Variants in EIF4ENIF1 observed in about 807,000 individuals in gnomAD.
EIF4ENIF1 encodes eukaryotic translation initiation factor 4E nuclear import factor 1, also known as eukaryotic translation initiation factor 4E transporter.
EIF4ENIF1 carries 23 observed loss-of-function variants against 110.5 expected under a neutral mutation model. The ratio of observed to expected loss-of-function variants is 0.21; its 90% confidence interval spans 0.15 to 0.29. EIF4ENIF1 has a LOEUF of 0.29. Among genes scored for constraint, EIF4ENIF1 ranks in the 10% least tolerant of loss-of-function variants. EIF4ENIF1 has a pLI of 1.00. For synonymous variants in EIF4ENIF1, 440 were observed against 437.0 expected (o/e 1.01, Z -0.09); for missense variants, 1,031 against 1,221.1 (o/e 0.84, Z 2.32).
intron 18 of EIF4ENIF1, 127 bp from the exon 19 acceptor site, chr22:31,440,248 TCC>T: frequency 3.0e-6 from 4 of 1,348,716 alleles, no homozygotes; most frequent in Non-Finnish European, 4.1e-6. Context: ...CTTTAGAAAC[TCC>T]TTTGCAAAAT....
chr22:31,439,821 C>G lies in EIF4ENIF1; in HGVS notation c.*59G>C. 1 of 1,586,398 alleles carries G rather than the reference C, an allele frequency of 6.3e-7. No individual in the cohort carries two copies. The highest frequency in any genetic ancestry group is 1.1e-5 in the South Asian group (1 of 88,114). ...GCCCATAAACCAACCCGAGATGAAG[C>G]AGGGTCCTGCCCAGTGTGCCACCAC... On this transcript the variant is annotated 3_prime_UTR_variant, in exon 19 of 19. Coordinates refer to ENST00000330125, the MANE Select transcript of EIF4ENIF1 (RefSeq NM_019843.4).
intron 4 of EIF4ENIF1, among the ~76,000 whole-genome samples, chr22:31,466,290 A>T (rs112058175): frequency 0.057 from 8,641 of 152,168 alleles, 362 homozygotes; most frequent in Non-Finnish European, 0.088. Context: ...GCGCACGCCT[A>T]TAATCCCAGC....
chr22:31,480,564 C>A (rs1444976638), intron 2 of EIF4ENIF1, among the ~76,000 whole-genome samples: 1 of 152,032 alleles, frequency 6.6e-6, no homozygotes, highest in Non-Finnish European at 1.5e-5. Flanking sequence ...TTGAGACCAG[C>A]CTAACATGGA....
At position 31,441,635 on chromosome 22, in the gene EIF4ENIF1, C is replaced by T. The variant is rs1026079194; in HGVS notation, c.2551+139G>A. Reference sequence around the variant, plus strand: ...TAGGGGATTGACTGGATTGGGCCCACTGCCTGCCAGTTAGATGGGAGAATC... The same window carrying T: ...TAGGGGATTGACTGGATTGGGCCCATTGCCTGCCAGTTAGATGGGAGAATC... On this transcript the variant is annotated intron_variant, in intron 17 of 18. Coordinates refer to ENST00000330125, the MANE Select transcript of EIF4ENIF1 (RefSeq NM_019843.4). 1.0e-5 allele frequency: 7 copies of T among 703,370 alleles called. No homozygotes were observed. The Admixed American group carries it at 1.8e-4, about 18-fold the overall frequency. 43.6% of individuals were successfully genotyped at this position (703,370 alleles called of 1,614,324 possible).
intron 7 of EIF4ENIF1, among the ~76,000 whole-genome samples, chr22:31,457,449 T>C (rs2050865441): frequency 6.6e-6 from 1 of 152,200 alleles, no homozygotes; most frequent in Non-Finnish European, 1.5e-5. Context: ...AGAGCAAACA[T>C]CTATCCAAAA....
At chr22:31,466,200 G>C (rs568537778) in intron 4 of EIF4ENIF1, among the ~76,000 whole-genome samples, 1 of 152,268 alleles carries the variant, frequency 6.6e-6, no homozygotes, top group East Asian at 1.9e-4. Flanking sequence ...ATCACTTGAG[G>C]TCAGGAGTTT....
In EIF4ENIF1 at chr22:31,439,645, A is replaced by C; in HGVS notation, c.*235T>G. The stretch of plus-strand genomic sequence containing the variant: ...CATTCACATATCTTACAAAAAAGAA[A>C]GACCATTTCCAGGATTGACAACATT... On this transcript the variant is annotated 3_prime_UTR_variant, in exon 19 of 19. Coordinates refer to ENST00000330125, the MANE Select transcript of EIF4ENIF1 (RefSeq NM_019843.4). 3.5e-6 allele frequency: 2 copies of C among 575,902 alleles called. No individual in the cohort carries two copies. Among genetic ancestry groups the C allele is most frequent in the Non-Finnish European group, 5.9e-6 (2 of 341,504 alleles). 35.7% of individuals were successfully genotyped at this position (575,902 alleles called of 1,614,324 possible). A position where few individuals can be genotyped will look rare whatever the true frequency, so the allele number is the denominator to read the frequency against.
chr22:31,437,013 G>T (rs904071207), downstream of EIF4ENIF1: 26 of 152,196 alleles, frequency 1.7e-4, no homozygotes, highest in Admixed American at 1.7e-3. Flanking sequence ...AAAGGCCAAT[G>T]GACCTCCCAC....
In EIF4ENIF1 at chr22:31,471,198, C is replaced by CA. The variant is rs371516664; in HGVS notation, c.170+645dup. Among the ~76,000 whole-genome samples the CA allele has an allele frequency of 6.6e-3, 979 of 147,908 alleles. 11 individuals are homozygous for CA. The highest frequency in any genetic ancestry group is 0.021 in the African/African-American group (852 of 40,272). On this transcript the variant is annotated intron_variant, in intron 3 of 18. Transcript: ENST00000330125. ...GGCTGAATAGTTTTTTGTGGGAATG[C>CA]AAAAAAAAAGAACCAAGAGCGCCCC... is the stretch of plus-strand genomic sequence containing the variant.
rs149013590 is a variant in EIF4ENIF1 at position 31,439,922 on chromosome 22, G to T, written c.2916C>A (p.Pro972=). ...DVLQQPLPSM[P]AKVISVDELE... is the part of the protein sequence containing the mutation. Reference sequence around the variant, plus strand: ...ATTCATCTACACTGATAACTTTGGCGGGCATGGAGGGCAGGGGTTGCTGTA... The same window carrying T: ...ATTCATCTACACTGATAACTTTGGCTGGCATGGAGGGCAGGGGTTGCTGTA... Residue 972 remains proline, a synonymous_variant, in exon 19 of 19, where the codon CCC becomes CCA. Transcript: ENST00000330125. 2.5e-6 allele frequency: 4 copies of T among 1,614,050 alleles called. No individual in the cohort carries two copies. The highest frequency in any genetic ancestry group is 3.4e-6 in the Non-Finnish European group (4 of 1,180,018).
chr22:31,452,990 C>G (rs1185333754), intron 10 of EIF4ENIF1, among the ~76,000 whole-genome samples: 1 of 152,114 alleles, frequency 6.6e-6, no homozygotes, highest in Admixed American at 6.6e-5. Context: ...GCTATTGCTA[C>G]TTGCATCTTG....
rs1203640481 is a variant in EIF4ENIF1 at position 31,471,837 on chromosome 22, C to T, written c.170+7G>A. 5 of 1,599,178 alleles carry T rather than the reference C, an allele frequency of 3.1e-6. No homozygotes were observed. Among genetic ancestry groups the T allele is most frequent in the East Asian group, 2.3e-5 (1 of 44,154 alleles). Reference sequence around the variant, plus strand: ...GAAGTAGTTAAGGACTAGAATGACACACATACCTGTCATATTTTTCAGAAA... The same window carrying T: ...GAAGTAGTTAAGGACTAGAATGACATACATACCTGTCATATTTTTCAGAAA... On this transcript the variant is annotated splice_region_variant and intron_variant, in intron 3 of 18. Coordinates refer to ENST00000330125, the MANE Select transcript of EIF4ENIF1 (RefSeq NM_019843.4).
Position 31,442,058 on chromosome 22 carries a change from T to G in EIF4ENIF1, c.2267A>C (p.Asn756Thr). ...CCTCTGTAATGCTGACAGTTTGGAA[T>G]TTGTAGTGGGAGAAGAGTCTCGATC... Reference protein sequence around the residue: ...SADRDSSPTTNSKLSALQRSS... With the variant: ...SADRDSSPTTTSKLSALQRSS... Residue 756 changes from asparagine to threonine, a missense_variant, in exon 17 of 19, where the codon AAT becomes ACT. This residue lies in a region of EIF4ENIF1 where 309 missense variants were observed against 299.1 expected (regional missense o/e 1.03). Transcript: ENST00000330125. 1 of 1,614,110 alleles carries G rather than the reference T, an allele frequency of 6.2e-7. No individual in the cohort carries two copies. Among genetic ancestry groups the G allele is most frequent in the Non-Finnish European group, 8.5e-7 (1 of 1,180,030 alleles).
chr22:31,450,362 T>G lies in EIF4ENIF1; in HGVS notation c.1513-2A>C. 2 of 1,612,828 alleles carry G rather than the reference T, an allele frequency of 1.2e-6. No individual in the cohort carries two copies. Among genetic ancestry groups the G allele is most frequent in the Non-Finnish European group, 1.7e-6 (2 of 1,179,074 alleles). The stretch of plus-strand genomic sequence containing the variant: ...CATCAAATGGCTTTCAAGGTTTCGC[T>G]AAAAGAGTCAAAAGAAAACTGGTTT... On this transcript the variant is annotated splice_acceptor_variant, in intron 10 of 18. Transcript: ENST00000330125. LOFTEE classifies it high-confidence loss of function.
At chr22:31,468,992 C>A (rs2051279952) in intron 3 of EIF4ENIF1, among the ~76,000 whole-genome samples, 2 of 152,186 alleles carry the variant, frequency 1.3e-5, no homozygotes, top group Admixed American at 1.3e-4. Flanking sequence ...AACTCTCTCA[C>A]CAGAAGTAGC....
chr22:31,464,291 C>T (rs1037693788), intron 4 of EIF4ENIF1: 5 of 240,432 alleles, frequency 2.1e-5, no homozygotes, highest in African/African-American at 6.8e-5. Flanking sequence ...CTACAGCAGG[C>T]GTATTTGAAA....
At chr22:31,447,375 T>G in intron 14 of EIF4ENIF1, 51 bp downstream of exon 14, 1 of 1,602,426 alleles carries the variant, frequency 6.2e-7, no homozygotes, top group Non-Finnish European at 8.5e-7. Context: ...ATTTATTAGT[T>G]TCAGGAAAAC....
chr22:31,468,450 A>C, intron 3 of EIF4ENIF1, 148 bp from the exon 4 acceptor site: 3 of 1,134,328 alleles, frequency 2.6e-6, no homozygotes, highest in Non-Finnish European at 3.7e-6. Flanking sequence ...GATGGAGCGC[A>C]GTGGCGTGAT....
chr22:31,446,577 TA>T (rs1427713457), intron 14 of EIF4ENIF1, among the ~76,000 whole-genome samples: 1 of 152,150 alleles, frequency 6.6e-6, no homozygotes, highest in East Asian at 1.9e-4. Context: ...CCGAGTATTT[TA>T]AAGGTAGACT....
Sources: gnomAD v4.1 joint callset for allele counts (sites outside exome capture counted in the v4.1 genomes callset) on GRCh38, gnomAD v4.1.1 for gene constraint, gnomAD v4.1.1 regional missense constraint, MANE v1.5 for transcripts, NCBI Gene and HGNC (gene_info 2026-07-23, HGNC 2026-07-21) for gene names.